The following PPP2R2C variants were observed in gnomAD, a reference collection of about 807,000 sequenced individuals.
PPP2R2C encodes protein phosphatase 2 regulatory subunit Bgamma.
PPP2R2C carries 10 observed loss-of-function variants against 45.3 expected under a neutral mutation model. The observed-to-expected ratio is 0.22, with a 90% CI of 0.14 to 0.37. The LOEUF (loss-of-function observed/expected upper bound fraction) is 0.37, where lower values mean the gene tolerates loss of function less well. Ranked by LOEUF, PPP2R2C falls within the 10% of genes least tolerant of loss-of-function variation. The probability of loss-of-function intolerance (pLI) is 1.00; values close to 1 mark genes in which losing one functional copy is unlikely to be tolerated. For synonymous variants in PPP2R2C, 257 were observed against 245.4 expected, an observed-to-expected ratio of 1.05 and a Z score of -0.44; for missense variants, 308 against 619.7, an observed-to-expected ratio of 0.50 and a Z score of 5.34.
chr4:6,372,704 C>T lies in PPP2R2C; in HGVS notation c.448-4G>A, dbSNP rs1357062284. The stretch of plus-strand genomic sequence containing the variant: ...CCATGGGCTTCAGCACTGGCACCTG[C>T]AGAGGATGAGGAGGCAGGGAAGAGG... On this transcript the variant is annotated splice_region_variant and splice_polypyrimidine_tract_variant and intron_variant, in intron 4 of 8. Transcript: ENST00000382599. 1 of 1,613,614 alleles carries T rather than the reference C, an allele frequency of 6.2e-7. No individual in the cohort carries two copies. Among genetic ancestry groups the T allele is most frequent in the East Asian group, 2.2e-5 (1 of 44,882 alleles).
chr4:6,325,695 G>T (rs1447311813), intron 8 of PPP2R2C, among the ~76,000 whole-genome samples: 3 of 152,134 alleles, frequency 2.0e-5, no homozygotes, highest in African/African-American at 7.2e-5. Context: ...TCTCATCCTA[G>T]AGCACCAGGC....
In PPP2R2C at chr4:6,368,874, G is replaced by A. The variant is rs989861597; in HGVS notation, c.625+3649C>T. ...CACCTCCAAAGCTGGCTAGTGACAC[G>A]CCCCTGTTTACAGTACATCAATAGC... On this transcript the variant is annotated intron_variant, in intron 5 of 8. Coordinates refer to ENST00000382599, the MANE Select transcript of PPP2R2C (RefSeq NM_020416.4). This position sits in a 1 kb window ranked among gnomAD's most constrained non-coding sequence, Gnocchi z 4.2. 1.3e-5 allele frequency among the ~76,000 whole-genome samples: 2 copies of A among 152,056 alleles called. No individual in the cohort carries two copies. The highest frequency in any genetic ancestry group is 1.5e-5 in the Non-Finnish European group (1 of 68,002).
intron 5 of PPP2R2C, among the ~76,000 whole-genome samples, chr4:6,365,446 G>A (rs1205031503): frequency 6.6e-6 from 1 of 152,028 alleles, no homozygotes; most frequent in East Asian, 1.9e-4. Flanking sequence ...ACGGCACCAG[G>A]CCCCATACTC....
intron 1 of PPP2R2C, among the ~76,000 whole-genome samples, chr4:6,409,286 G>A (rs1717999428): frequency 6.6e-6 from 1 of 152,150 alleles, no homozygotes; most frequent in Non-Finnish European, 1.5e-5. Flanking sequence ...TAAAGCAAAG[G>A]AGAAAGACAA....
At chr4:6,514,844 G>A (rs976604869) in intron 2 of PPP2R2C, among the ~76,000 whole-genome samples, 5 of 152,200 alleles carry the variant, frequency 3.3e-5, no homozygotes, top group Non-Finnish European at 7.3e-5. Flanking sequence ...CCAGAAGAGG[G>A]TCTGCTCCAC....
intron 1 of PPP2R2C, among the ~76,000 whole-genome samples, chr4:6,555,835 G>C (rs553977851): frequency 6.6e-6 from 1 of 152,168 alleles, no homozygotes; most frequent in Non-Finnish European, 1.5e-5. Context: ...TGGTCTCCTC[G>C]GGTAATGCTG....
chr4:6,384,276 A>T (rs1716066779), intron 1 of PPP2R2C: 1 of 985,340 alleles, frequency 1.0e-6, no homozygotes, highest in Admixed American at 6.1e-5. Context: ...AACGGGATAT[A>T]AAATTGGGTA....
At chr4:6,503,469 G>C (rs1723124076) in intron 2 of PPP2R2C, among the ~76,000 whole-genome samples, 1 of 152,144 alleles carries the variant, frequency 6.6e-6, no homozygotes, top group Non-Finnish European at 1.5e-5. Flanking sequence ...GCATCTGCTA[G>C]CATAGTATAG....
At chr4:6,440,210 A>C (rs62284505) in intron 1 of PPP2R2C, among the ~76,000 whole-genome samples, 75,069 of 151,806 alleles carry the variant, frequency 0.49, 20,599 homozygotes, top group Non-Finnish European at 0.65. Context: ...TGGAATCAGC[A>C]ATCAACTGAG....
At chr4:6,401,851 G>T (rs1475785499) in intron 1 of PPP2R2C, among the ~76,000 whole-genome samples, 1 of 152,174 alleles carries the variant, frequency 6.6e-6, no homozygotes, top group Non-Finnish European at 1.5e-5. Context: ...ATCTGCCATG[G>T]AAGCTACCTG....
Position 6,338,813 on chromosome 4 carries a change from GC to G in PPP2R2C, c.791-5083del, listed in dbSNP as rs1265738095. Among the ~76,000 whole-genome samples the G allele has an allele frequency of 4.6e-5, 7 of 152,086 alleles. No homozygotes were observed. The East Asian group carries it at 9.7e-4, about 21-fold the overall frequency. On this transcript the variant is annotated intron_variant, in intron 6 of 8. Transcript: ENST00000382599. ...TAGGCATCTCCCCCTGCCTCCCGTA[GC>G]CCCTGCCCCGCCATGTGCTGGGCAG...
At chr4:6,507,357 TAC>T (rs1307828685) in intron 2 of PPP2R2C, among the ~76,000 whole-genome samples, 1 of 152,214 alleles carries the variant, frequency 6.6e-6, no homozygotes, top group Non-Finnish European at 1.5e-5. Context: ...TGGGCAAATG[TAC>T]TGATGCTGCA....
intron 2 of PPP2R2C, among the ~76,000 whole-genome samples, chr4:6,499,400 C>T (rs1187931406): frequency 6.6e-6 from 1 of 152,200 alleles, no homozygotes; most frequent in Non-Finnish European, 1.5e-5. Context: ...TGCATGAGTC[C>T]TCTCGCAGTG....
intron 6 of PPP2R2C, among the ~76,000 whole-genome samples, chr4:6,336,347 A>G (rs1479083442): frequency 6.6e-6 from 1 of 151,956 alleles, no homozygotes; most frequent in Non-Finnish European, 1.5e-5. Context: ...AATCAGCACC[A>G]TGGGAAGGAA....
intron 1 of PPP2R2C, among the ~76,000 whole-genome samples, chr4:6,467,526 G>A (rs539958669): frequency 7.2e-5 from 11 of 152,150 alleles, no homozygotes; most frequent in African/African-American, 2.7e-4. Flanking sequence ...GGACTGAGGA[G>A]GGAAAACCAG....
At chr4:6,535,852 A>C (rs1174488911) in intron 1 of PPP2R2C, among the ~76,000 whole-genome samples, 1 of 152,156 alleles carries the variant, frequency 6.6e-6, no homozygotes, top group Admixed American at 6.5e-5. Flanking sequence ...TGCGGATGAG[A>C]GCACATGGCC....
In PPP2R2C at chr4:6,553,788, C is replaced by T. The variant is rs183764718; in HGVS notation, c.-59+9772G>A. ...AGATGTCAGTGCTAAGAAGCATCCCCGTGGATCCTCTGGGCCCCAGATACC... is the reference window on the plus strand; with the variant it reads ...AGATGTCAGTGCTAAGAAGCATCCCTGTGGATCCTCTGGGCCCCAGATACC... On this transcript the variant is annotated intron_variant, in intron 1 of 9. Coordinates refer to the PPP2R2C transcript ENST00000506140. Among the ~76,000 whole-genome samples the T allele has an allele frequency of 5.9e-5, 9 of 152,250 alleles. No homozygotes were observed. In the East Asian group the frequency reaches 7.7e-4, roughly 13 times the overall value.
chr4:6,403,851 A>T lies in PPP2R2C; in HGVS notation c.71-22757T>A, dbSNP rs191249187. On this transcript the variant is annotated intron_variant, in intron 1 of 8. Coordinates refer to ENST00000382599, the MANE Select transcript of PPP2R2C (RefSeq NM_020416.4). ...GCACTCCAGCCTGGGTGACAGAGTG[A>T]AACTCCGCCTCAGAAAAAAAAAAAA... Among the ~76,000 whole-genome samples the T allele has an allele frequency of 1.4e-3, 194 of 141,256 alleles. No individual in the cohort carries two copies. The East Asian group carries it at 0.026, about 19-fold the overall frequency. 92.7% of individuals were successfully genotyped at this position (141,256 alleles called of 152,430 possible).
chr4:6,492,796 G>A (rs1196342372), intron 2 of PPP2R2C, among the ~76,000 whole-genome samples: 1 of 152,150 alleles, frequency 6.6e-6, no homozygotes, highest in Non-Finnish European at 1.5e-5. Flanking sequence ...ACACAGCAAT[G>A]ACACAGGTGC....
Sources: allele counts gnomAD v4.1 joint callset (sites outside exome capture counted in the v4.1 genomes callset), GRCh38; gene constraint gnomAD v4.1.1; non-coding constraint Gnocchi (gnomAD v3.1); transcripts MANE v1.5; gene names NCBI Gene and HGNC (gene_info 2026-07-23, HGNC 2026-07-21).